Variants in CSMD1 observed in about 807,000 individuals in gnomAD.
The protein encoded by CSMD1 is CUB and Sushi multiple domains 1.
Under a neutral mutation model 417.5 loss-of-function variants are expected in CSMD1, and 213 were observed. That is an observed-to-expected ratio of 0.51 (90% confidence interval 0.46 to 0.57). The LOEUF (loss-of-function observed/expected upper bound fraction) is 0.57. CSMD1 is among the 20% of genes least tolerant of loss of function. The pLI is 0.00. For missense variants in CSMD1, 6,923 were observed against 4,529.7 expected, an observed-to-expected ratio of 1.53 and a Z score of -15.17; for synonymous variants, 2,862 against 1,736.8, an observed-to-expected ratio of 1.65 and a Z score of -16.11.
intron 20 of CSMD1, among the ~76,000 whole-genome samples, chr8:3,365,633 A>G (rs142048794): frequency 2.2e-3 from 340 of 152,342 alleles, no homozygotes; most frequent in Admixed American, 3.7e-3. Context: ...TGTTAGGTAT[A>G]TCATGAAAGC....
intron 2 of CSMD1, among the ~76,000 whole-genome samples, chr8:4,625,547 A>C (rs1802048121): frequency 1.3e-5 from 2 of 151,912 alleles, no homozygotes; most frequent in Admixed American, 6.6e-5. Flanking sequence ...TCTAGTCCAA[A>C]GTAGGACTTC....
At chr8:3,301,805 G>T (rs1004092051) in intron 25 of CSMD1, among the ~76,000 whole-genome samples, 4 of 152,180 alleles carry the variant, frequency 2.6e-5, no homozygotes, top group African/African-American at 9.7e-5. Flanking sequence ...GAGAATAAAG[G>T]ATGGATTTGG....
intron 1 of CSMD1, among the ~76,000 whole-genome samples, chr8:4,802,764 C>G (rs1022036132): frequency 6.6e-6 from 1 of 152,148 alleles, no homozygotes; most frequent in Admixed American, 6.5e-5. Context: ...TATTGTTATA[C>G]TCATTCTCGC....
chr8:4,219,491 T>G (rs975489888), intron 3 of CSMD1, among the ~76,000 whole-genome samples: 2 of 152,190 alleles, frequency 1.3e-5, no homozygotes, highest in Non-Finnish European at 2.9e-5. Flanking sequence ...TCCTTCCGTC[T>G]CTTGGGTGTT....
intron 25 of CSMD1, among the ~76,000 whole-genome samples, chr8:3,287,255 T>C (rs1803230181): frequency 2.0e-5 from 3 of 151,310 alleles, no homozygotes; most frequent in African/African-American, 7.3e-5. Context: ...AGCTTTGTTC[T>C]TTTGGCTTAG....
chr8:4,164,001 G>A (rs1445204293), intron 3 of CSMD1, among the ~76,000 whole-genome samples: 2 of 152,108 alleles, frequency 1.3e-5, no homozygotes, highest in African/African-American at 2.4e-5. Context: ...TAATCGTGAG[G>A]AGAAATTAAA....
intron 23 of CSMD1, among the ~76,000 whole-genome samples, chr8:3,309,581 A>C (rs1362813739): frequency 6.6e-6 from 1 of 152,210 alleles, no homozygotes; most frequent in African/African-American, 2.4e-5. Context: ...TCTTACAGTA[A>C]CATATTTCTA....
chr8:4,130,972 C>G (rs939714884), intron 3 of CSMD1, among the ~76,000 whole-genome samples: 8 of 152,040 alleles, frequency 5.3e-5, no homozygotes, highest in Non-Finnish European at 1.0e-4. Context: ...AAACATTATA[C>G]TTTGGTCTTA....
chr8:4,045,030 T>C (rs2740902), intron 3 of CSMD1, among the ~76,000 whole-genome samples: 3 of 152,042 alleles, frequency 2.0e-5, no homozygotes, highest in Non-Finnish European at 4.4e-5. Context: ...AATCTTCCAG[T>C]TTTACAAAGC....
chr8:2,973,189 G>A lies in CSMD1; in HGVS notation c.8851C>T (p.Gln2951Ter). The A allele has an allele frequency of 4.3e-6, 7 of 1,613,788 alleles. No homozygotes were observed. Among genetic ancestry groups the A allele is most frequent in the Non-Finnish European group, 5.9e-6 (7 of 1,179,780 alleles). ...LLRFSCEMGHQLRGSPERTCL... is the reference protein window; with the variant it reads ...LLRFSCEMGH ...GTGCGTTCAGGGGAGCCCCTCAGCT[G>A]GTGCCCCATTTCACAGGAGAAGCGG... is the stretch of plus-strand genomic sequence containing the variant. The change falls in exon 57 of 70, where the codon CAG (glutamine) becomes TAG (stop). Residue 2951 changes from glutamine (Q) to a stop codon, truncating the protein, a stop_gained. Transcript: ENST00000635120. LOFTEE classifies it high-confidence loss of function.
chr8:4,378,084 G>C (rs1209793844), intron 3 of CSMD1, among the ~76,000 whole-genome samples: 4 of 152,234 alleles, frequency 2.6e-5, no homozygotes, highest in African/African-American at 9.6e-5. Flanking sequence ...CTCCGAAGGT[G>C]AAGTAGATGC....
chr8:4,339,922 G>T (rs543821871), intron 3 of CSMD1, among the ~76,000 whole-genome samples: 1 of 152,148 alleles, frequency 6.6e-6, no homozygotes, highest in South Asian at 2.1e-4. Context: ...CTCCTAAGGG[G>T]CCTGAGGCAA....
intron 1 of CSMD1, among the ~76,000 whole-genome samples, chr8:4,918,447 G>A (rs979529164): frequency 6.6e-6 from 1 of 151,950 alleles, no homozygotes; most frequent in Non-Finnish European, 1.5e-5. Flanking sequence ...ATATCCACCT[G>A]GACTTCATTA....
At chr8:4,260,345 C>G (rs993326005) in intron 3 of CSMD1, among the ~76,000 whole-genome samples, 1 of 152,148 alleles carries the variant, frequency 6.6e-6, no homozygotes, top group Non-Finnish European at 1.5e-5. Context: ...TGATTTCCCA[C>G]TGAGTTGCTA....
chr8:4,699,754 G>C (rs1807392069), intron 1 of CSMD1, among the ~76,000 whole-genome samples: 1 of 152,186 alleles, frequency 6.6e-6, no homozygotes, highest in Non-Finnish European at 1.5e-5. Context: ...GGAAAGCAGT[G>C]TTTCATGGTT....
intron 4 of CSMD1, among the ~76,000 whole-genome samples, chr8:4,016,527 G>C (rs955077449): frequency 5.9e-5 from 9 of 152,116 alleles, no homozygotes; most frequent in Admixed American, 5.2e-4. Context: ...TGAAGGATCT[G>C]GGGCTATGAG....
rs555104627 is a variant in CSMD1, at chr8:4,094,288, G to C, written c.416-62189C>G. On this transcript the variant is annotated intron_variant, in intron 3 of 69. Coordinates refer to ENST00000635120, the MANE Select transcript of CSMD1 (RefSeq NM_033225.6). Reference sequence around the variant, plus strand: ...GTGATCTACTGGGGGAGGCGGTAGGGAACAAGGAGAAGAATCAGCAGGCGA... The same window carrying C: ...GTGATCTACTGGGGGAGGCGGTAGGCAACAAGGAGAAGAATCAGCAGGCGA... 1.3e-3 allele frequency among the ~76,000 whole-genome samples: 204 copies of C among 152,210 alleles called. 1 individual carries two copies. The highest frequency in any genetic ancestry group is 4.5e-3 in the African/African-American group (188 of 41,550).
chr8:2,965,639 T>G (rs1294608868), intron 59 of CSMD1, 136 bp downstream of exon 59: 1 of 667,716 alleles, frequency 1.5e-6, no homozygotes. Context: ...ATAAAGTGAC[T>G]TAATAGTTGC....
intron 4 of CSMD1, among the ~76,000 whole-genome samples, chr8:4,018,441 T>C (rs1255126846): frequency 1.3e-5 from 2 of 152,166 alleles, no homozygotes; most frequent in African/African-American, 4.8e-5. Flanking sequence ...TCTGAGTAGC[T>C]GCAGGTCTGT....
Sources: gnomAD v4.1 joint callset for allele counts (sites outside exome capture counted in the v4.1 genomes callset) on GRCh38, gnomAD v4.1.1 for gene constraint, MANE v1.5 for transcripts, NCBI Gene and HGNC (gene_info 2026-07-23, HGNC 2026-07-21) for gene names.